NDUFA8: variants seen among roughly 807,000 people sequenced by gnomAD.
NDUFA8 encodes the protein NADH:ubiquinone oxidoreductase subunit A8, also known as NADH dehydrogenase [ubiquinone] 1 alpha subcomplex subunit 8.
In NDUFA8, 16 loss-of-function variants were observed where a neutral mutation model predicts 20.9. That is an observed-to-expected ratio of 0.77 (90% confidence interval 0.52 to 1.16). NDUFA8 has a LOEUF of 1.16. NDUFA8 is among the 50% of genes most tolerant of loss of function. The pLI is 0.00. For synonymous variants in NDUFA8, 70 were observed against 76.1 expected (o/e 0.92, Z 0.41); for missense variants, 202 against 216.4 (o/e 0.93, Z 0.42).
chr9:122,152,893 G>A (rs1218060282), intron 1 of NDUFA8, among the ~76,000 whole-genome samples: 1 of 152,146 alleles, frequency 6.6e-6, no homozygotes, highest in Admixed American at 6.6e-5. Context: ...TGTAGAGAAG[G>A]ATGGAGTCTT....
At chr9:122,159,331 C>T (rs1303579684) in intron 1 of NDUFA8, among the ~76,000 whole-genome samples, 2 of 152,162 alleles carry the variant, frequency 1.3e-5, no homozygotes, top group South Asian at 2.1e-4. Flanking sequence ...AGTAAAATGA[C>T]TGGTTGGTGC....
At chr9:122,152,496 A>C in intron 1 of NDUFA8, 88 bp from the exon 2 acceptor site, 1 of 1,236,170 alleles carries the variant, frequency 8.1e-7, no homozygotes, top group Non-Finnish European at 1.2e-6. Flanking sequence ...CAGAATAGAG[A>C]ACACAAAAGT....
intron 1 of NDUFA8, among the ~76,000 whole-genome samples, chr9:122,157,685 C>T (rs921967804): frequency 6.9e-6 from 1 of 145,578 alleles, no homozygotes; most frequent in South Asian, 2.1e-4. Context: ...GGGTGGTTCG[C>T]CGGGGGGAAC....
chr9:122,145,956 C>T (rs1828897805), intron 3 of NDUFA8, among the ~76,000 whole-genome samples: 1 of 151,802 alleles, frequency 6.6e-6, no homozygotes, highest in Admixed American at 6.6e-5. Flanking sequence ...CAAGACCAGC[C>T]CAGGCAACAT....
intron 1 of NDUFA8, among the ~76,000 whole-genome samples, chr9:122,155,193 C>G (rs185494909): frequency 1.3e-5 from 2 of 152,334 alleles, no homozygotes; most frequent in Admixed American, 6.5e-5. Context: ...ATTCTCCTGC[C>G]TCAGCCTTCC....
chr9:122,146,969 G>C (rs890197839), intron 3 of NDUFA8, among the ~76,000 whole-genome samples: 1 of 152,220 alleles, frequency 6.6e-6, no homozygotes, highest in African/African-American at 2.4e-5. Context: ...GCAGGGATGG[G>C]TCAGATCATA....
At chr9:122,153,803 G>A (rs1829039158) in intron 1 of NDUFA8, among the ~76,000 whole-genome samples, 1 of 152,128 alleles carries the variant, frequency 6.6e-6, no homozygotes, top group African/African-American at 2.4e-5. Flanking sequence ...CATTCAAATT[G>A]TATTAAATTT....
At chr9:122,134,354 G>A in the NDUFA8 span, among the ~76,000 whole-genome samples, 1 of 152,138 alleles carries the variant, frequency 6.6e-6, no homozygotes, top group Non-Finnish European at 1.5e-5. Context: ...ATATAGCTGT[G>A]TGACCCGCGA....
the NDUFA8 span, among the ~76,000 whole-genome samples, chr9:122,136,990 C>T: frequency 6.6e-6 from 1 of 152,186 alleles, no homozygotes; most frequent in Non-Finnish European, 1.5e-5. Context: ...CTGCTCCCCA[C>T]TCTTGTAGTT....
chr9:122,144,307 G>C lies in NDUFA8; in HGVS notation c.453C>G (p.Ser151Arg), dbSNP rs758164602. The C allele has an allele frequency of 6.2e-7, 1 of 1,614,168 alleles. No individual in the cohort carries two copies. The highest frequency in any genetic ancestry group is 1.7e-5 in the Admixed American group (1 of 60,026). The change falls in exon 4 of 4, where the codon AGC becomes AGG. Residue 151 changes from serine (S) to arginine (R), a missense_variant. Ser to Arg is a moderately radical substitution (Grantham distance 110, BLOSUM62 -1). Transcript: ENST00000373768. ...GCTGCAGATCTCCCTCGATCTCAGG[G>C]CTGGGATCCGGTCTTGGTCTTGAGT... is the stretch of plus-strand genomic sequence containing the variant. ...PYHSRPRPDP[S>R]PEIEGDLQPA...
intron 1 of NDUFA8, among the ~76,000 whole-genome samples, chr9:122,156,571 G>T (rs908242732): frequency 1.3e-5 from 2 of 152,168 alleles, no homozygotes; most frequent in Non-Finnish European, 2.9e-5. Flanking sequence ...ATTATCAAAT[G>T]TGTCCAAGGA....
downstream of NDUFA8, among the ~76,000 whole-genome samples, chr9:122,141,107 T>C (rs1441720563): frequency 6.6e-6 from 1 of 152,208 alleles, no homozygotes; most frequent in African/African-American, 2.4e-5. Context: ...GGCAAGGGGA[T>C]AGCATTCGTG....
chr9:122,154,728 G>A (rs558623799), intron 1 of NDUFA8, among the ~76,000 whole-genome samples: 4 of 152,236 alleles, frequency 2.6e-5, no homozygotes, highest in African/African-American at 9.6e-5. Flanking sequence ...AGCAATGACA[G>A]CAGACAACCT....
At chr9:122,133,840 C>G in the NDUFA8 span, among the ~76,000 whole-genome samples, 1 of 152,244 alleles carries the variant, frequency 6.6e-6, no homozygotes, top group African/African-American at 2.4e-5. Flanking sequence ...TGTCCAAGAA[C>G]CGGCTTCAAA....
downstream of NDUFA8, among the ~76,000 whole-genome samples, chr9:122,141,036 G>A (rs1388032480): frequency 2.0e-5 from 3 of 152,178 alleles, no homozygotes; most frequent in Admixed American, 1.3e-4. Context: ...GACACCATTC[G>A]TGTTTGCCTT....
chr9:122,157,461 C>G (rs1383568246), intron 1 of NDUFA8, among the ~76,000 whole-genome samples: 1 of 152,182 alleles, frequency 6.6e-6, no homozygotes, highest in African/African-American at 2.4e-5. Context: ...CATCTTCCCC[C>G]TTTCATAGTA....
At chr9:122,146,094 A>T (rs572074822) in intron 3 of NDUFA8, among the ~76,000 whole-genome samples, 25 of 152,306 alleles carry the variant, frequency 1.6e-4, no homozygotes, top group African/African-American at 6.0e-4. Flanking sequence ...TGCAGTGAGC[A>T]GAGATCGTGG....
chr9:122,148,082 A>G lies in NDUFA8; in HGVS notation c.381+30T>C, dbSNP rs1828932344. The G allele has an allele frequency of 4.3e-6, 7 of 1,613,264 alleles. No homozygotes were observed. The African/African-American group carries it at 9.3e-5, about 22-fold the overall frequency. On this transcript the variant is annotated intron_variant, in intron 3 of 3. Transcript: ENST00000373768. The stretch of plus-strand genomic sequence containing the variant: ...GCCTTTATCCCACCCCTGAATCAGA[A>G]AGTGAGACCTCCAGCAGAAGCCTTT...
At chr9:122,135,064 T>A in the NDUFA8 span, among the ~76,000 whole-genome samples, 3 of 152,200 alleles carry the variant, frequency 2.0e-5, no homozygotes, top group African/African-American at 7.2e-5. Context: ...CAAGGCTGAC[T>A]CAACAGGGGG....
Sources: gnomAD v4.1 joint callset for allele counts (sites outside exome capture counted in the v4.1 genomes callset) on GRCh38, gnomAD v4.1.1 for gene constraint, MANE v1.5 for transcripts, NCBI Gene and HGNC (gene_info 2026-07-23, HGNC 2026-07-21) for gene names.